EBF1: variants seen among roughly 807,000 people sequenced by gnomAD.
EBF1 encodes transcription factor COE1.
A neutral mutation model predicts 68.4 loss-of-function variants in EBF1; 10 were observed. That is an observed-to-expected ratio of 0.15 (90% CI 0.09 to 0.25). The LOEUF is 0.25. Among genes scored for constraint, EBF1 ranks in the 10% least tolerant of loss-of-function variants. The pLI, the probability that EBF1 is intolerant of heterozygous loss-of-function variation, is 1.00. For missense variants in EBF1, 509 were observed against 794.4 expected (o/e 0.64, Z 4.32); for synonymous variants, 298 against 299.8 (o/e 0.99, Z 0.06).
intron 6 of EBF1, among the ~76,000 whole-genome samples, chr5:158,959,904 G>T (rs897039677): frequency 6.6e-6 from 1 of 152,084 alleles, no homozygotes; most frequent in African/African-American, 2.4e-5. Flanking sequence ...AATCAAACTA[G>T]ATCGACCAAT....
At chr5:159,046,000 C>A (rs185904650) in intron 6 of EBF1, among the ~76,000 whole-genome samples, 74 of 152,248 alleles carry the variant, frequency 4.9e-4, no homozygotes, top group African/African-American at 1.7e-3. Flanking sequence ...CAGTAATGAC[C>A]AAGACTTCAT....
chr5:158,959,373 C>T (rs764804009), intron 6 of EBF1, among the ~76,000 whole-genome samples: 4 of 150,788 alleles, frequency 2.7e-5, no homozygotes, highest in Admixed American at 6.6e-5. Flanking sequence ...CTCACTGCAA[C>T]CTCTGTCTCC....
intron 4 of EBF1, among the ~76,000 whole-genome samples, chr5:159,091,898 T>G (rs1251102679): frequency 6.6e-6 from 1 of 152,234 alleles, no homozygotes. Flanking sequence ...GATTTCCTGC[T>G]TCTCAAGCAG....
At chr5:158,706,732 C>T (rs919160314) in intron 15 of EBF1, among the ~76,000 whole-genome samples, 1 of 152,164 alleles carries the variant, frequency 6.6e-6, no homozygotes, top group South Asian at 2.1e-4. Context: ...GGCTTAAGGG[C>T]ACAGACTCTG....
chr5:158,717,432 T>C lies in EBF1; in HGVS notation c.1126-3250A>G, dbSNP rs950747418. Among the ~76,000 whole-genome samples the C allele has an allele frequency of 1.6e-4, 24 of 152,202 alleles. 1 individual carries two copies. Among genetic ancestry groups the C allele is most frequent in the Admixed American group, 5.9e-4 (9 of 15,278 alleles). ...ATTAGGCAGGAGCACAGTCTAAGGA[T>C]CTTTCATTTTAATATGCAATTTTAA... On this transcript the variant is annotated intron_variant, in intron 11 of 15. Coordinates refer to ENST00000313708, the MANE Select transcript of EBF1 (RefSeq NM_024007.5).
At chr5:158,760,356 C>T (rs1463718129) in intron 10 of EBF1, among the ~76,000 whole-genome samples, 1 of 152,068 alleles carries the variant, frequency 6.6e-6, no homozygotes, top group Non-Finnish European at 1.5e-5. Context: ...ATACAACAGC[C>T]AAGACAGGAA....
At chr5:159,093,304 G>A (rs1210729391) in intron 4 of EBF1, among the ~76,000 whole-genome samples, 2 of 152,088 alleles carry the variant, frequency 1.3e-5, no homozygotes, top group African/African-American at 4.8e-5. Context: ...AAGCACACAG[G>A]TAAGCTTTGA....
intron 10 of EBF1, among the ~76,000 whole-genome samples, chr5:158,746,541 C>A (rs982344193): frequency 6.6e-6 from 1 of 152,128 alleles, no homozygotes; most frequent in African/African-American, 2.4e-5. Context: ...TTCCTCTGGA[C>A]CTCTTTTTCC....
intron 6 of EBF1, among the ~76,000 whole-genome samples, chr5:158,985,480 A>G (rs771953324): frequency 3.9e-5 from 6 of 152,246 alleles, no homozygotes; most frequent in Non-Finnish European, 5.9e-5. Flanking sequence ...AAAGATGGCC[A>G]GGAAATTCTA....
At chr5:158,845,933 G>T (rs775940359) in intron 6 of EBF1, among the ~76,000 whole-genome samples, 1 of 152,142 alleles carries the variant, frequency 6.6e-6, no homozygotes, top group African/African-American at 2.4e-5. Flanking sequence ...GGCTGAGCAG[G>T]TTGAGTTTTT....
chr5:158,832,133 T>C (rs1787727964), intron 7 of EBF1, among the ~76,000 whole-genome samples: 1 of 152,244 alleles, frequency 6.6e-6, no homozygotes, highest in African/African-American at 2.4e-5. Context: ...CCAGCATCCA[T>C]TGGTAATCAC....
intron 9 of EBF1, among the ~76,000 whole-genome samples, chr5:158,791,825 C>A (rs1300506628): frequency 3.3e-5 from 5 of 152,122 alleles, no homozygotes; most frequent in Non-Finnish European, 7.3e-5. Flanking sequence ...CTCTAATTTG[C>A]TGCATGGAAG....
chr5:158,913,702 C>G (rs1806505156), intron 6 of EBF1, among the ~76,000 whole-genome samples: 1 of 152,220 alleles, frequency 6.6e-6, no homozygotes, highest in Admixed American at 6.5e-5. Context: ...CCCTCCATCT[C>G]TGCCTCTCGG....
At chr5:158,707,186 G>A (rs759201281) in intron 15 of EBF1, among the ~76,000 whole-genome samples, 1 of 152,152 alleles carries the variant, frequency 6.6e-6, no homozygotes, top group South Asian at 2.1e-4. Context: ...CCTGCTGGGG[G>A]CAATGAATGA....
intron 6 of EBF1, among the ~76,000 whole-genome samples, chr5:158,869,105 C>T (rs1309419310): frequency 1.3e-5 from 2 of 152,006 alleles, no homozygotes; most frequent in Non-Finnish European, 2.9e-5. Flanking sequence ...AGGGTGTGTA[C>T]GTGTGTGTAT....
rs1372736541 is a variant in EBF1 at position 158,698,963 on chromosome 5, G to A, written c.*148C>T. On this transcript the variant is annotated 3_prime_UTR_variant, in exon 16 of 16. Transcript: ENST00000313708. ...TTCCAATTTCAGTATTTGCAAGGTC[G>A]GTGATTTTGTTTGTTTAAAAATCTG... is the stretch of plus-strand genomic sequence containing the variant. 12 of 623,348 alleles carry A rather than the reference G, an allele frequency of 1.9e-5. No individual in the cohort carries two copies. The highest frequency in any genetic ancestry group is 1.3e-4 in the East Asian group (4 of 31,840). The allele number at this position is 623,348 out of a possible 1,614,324, so 38.6% of individuals were successfully genotyped here.
At chr5:159,000,961 A>G (rs1365091160) in intron 6 of EBF1, among the ~76,000 whole-genome samples, 1 of 152,220 alleles carries the variant, frequency 6.6e-6, no homozygotes, top group Non-Finnish European at 1.5e-5. Context: ...TCAAAGAAGA[A>G]TAGTCACAGC....
At chr5:158,813,504 C>T (rs1783106372) in intron 8 of EBF1, among the ~76,000 whole-genome samples, 1 of 152,176 alleles carries the variant, frequency 6.6e-6, no homozygotes, top group Non-Finnish European at 1.5e-5. Context: ...CAACTGTTAA[C>T]CTCCTGCAGA....
At chr5:158,994,309 A>T (rs1410493201) in intron 6 of EBF1, among the ~76,000 whole-genome samples, 1 of 152,236 alleles carries the variant, frequency 6.6e-6, no homozygotes, top group Non-Finnish European at 1.5e-5. Context: ...CTGATTCCAG[A>T]TATTATTTGG....
Sources: gnomAD v4.1 joint callset for allele counts (sites outside exome capture counted in the v4.1 genomes callset) on GRCh38, gnomAD v4.1.1 for gene constraint, MANE v1.5 for transcripts, NCBI Gene and HGNC (gene_info 2026-07-23, HGNC 2026-07-21) for gene names.